Variants in SHTN1 observed in about 807,000 individuals in gnomAD.
SHTN1 encodes the protein shootin 1.
In SHTN1, 42 loss-of-function variants were observed where a neutral mutation model predicts 83.1. The ratio of observed to expected loss-of-function variants is 0.51; its 90% CI spans 0.39 to 0.65. The LOEUF (loss-of-function observed/expected upper bound fraction) is 0.65, where lower values mean the gene tolerates loss of function less well. SHTN1 is among the 30% of genes least tolerant of loss of function. The pLI is 0.00. For missense variants in SHTN1, 622 were observed against 737.8 expected (o/e 0.84, Z 1.82); for synonymous variants, 224 against 247.7 (o/e 0.90, Z 0.90).
chr10:116,911,129 A>C (rs1408925927), intron 14 of SHTN1, among the ~76,000 whole-genome samples: 2 of 152,166 alleles, frequency 1.3e-5, no homozygotes, highest in African/African-American at 4.8e-5. Context: ...TATCTGAAAC[A>C]TTTTCTAAGT....
chr10:116,904,387 TG>T (rs1157196764), intron 15 of SHTN1, among the ~76,000 whole-genome samples: 3 of 152,074 alleles, frequency 2.0e-5, no homozygotes, highest in Non-Finnish European at 4.4e-5. Context: ...ACCTAAAAAA[TG>T]GTATGATTTC....
chr10:117,120,703 T>C lies in SHTN1; in HGVS notation c.-189+5604A>G, dbSNP rs11197900. Among the ~76,000 whole-genome samples the C allele has an allele frequency of 2.4e-3, 371 of 152,266 alleles. 2 individuals are homozygous for C. The highest frequency in any genetic ancestry group is 8.5e-3 in the African/African-American group (352 of 41,550). On this transcript the variant is annotated intron_variant, in intron 1 of 17. Transcript: ENST00000392901. The stretch of plus-strand genomic sequence containing the variant: ...AGAAGAAACAGAACCTAGTGTTAGA[T>C]AGATGAGCAGGGTGACTATAATTTA...
chr10:116,908,019 G>A (rs1041651853), intron 14 of SHTN1: 1 of 455,778 alleles, frequency 2.2e-6, no homozygotes, highest in Non-Finnish European at 4.4e-6. Context: ...AAAAAAAGGT[G>A]CTTGTAAAAT....
chr10:116,945,909 A>G lies in SHTN1; in HGVS notation c.617-891T>C, dbSNP rs912267539. On this transcript the variant is annotated intron_variant, in intron 7 of 16. Coordinates refer to ENST00000355371, the MANE Select transcript of SHTN1 (RefSeq NM_001127211.3). ...AGTATATAGCAGTGAAAACAAACAT[A>G]CCACAGCTATGCCTGTCCACATGCA... 2.0e-5 allele frequency among the ~76,000 whole-genome samples: 3 copies of G among 152,164 alleles called. No homozygotes were observed. The East Asian group carries it at 5.8e-4, about 29-fold the overall frequency.
rs570107975 is a variant in SHTN1, at chr10:117,111,273, G to A, written c.-189+15034C>T. 2.0e-5 allele frequency among the ~76,000 whole-genome samples: 3 copies of A among 152,200 alleles called. No individual in the cohort carries two copies. The East Asian group carries it at 5.8e-4, about 29-fold the overall frequency. On this transcript the variant is annotated intron_variant, in intron 1 of 17. Transcript: ENST00000392901. ...TTCTGATTCAACAGGTTTGAGATGA[G>A]GCCCAAGAATGTGCATTTCTTTCTT...
chr10:117,075,113 T>C (rs954315638), intron 1 of SHTN1, among the ~76,000 whole-genome samples: 1 of 152,262 alleles, frequency 6.6e-6, no homozygotes, highest in African/African-American at 2.4e-5. Flanking sequence ...TTTCCATTTA[T>C]CTTTCCCCTG....
At chr10:116,923,198 G>C (rs1848625550) in intron 11 of SHTN1, among the ~76,000 whole-genome samples, 1 of 152,124 alleles carries the variant, frequency 6.6e-6, no homozygotes, top group African/African-American at 2.4e-5. Flanking sequence ...TCAAAGGAAA[G>C]AATTAGGGTA....
chr10:116,958,847 A>G (rs1459538832), intron 4 of SHTN1, among the ~76,000 whole-genome samples: 1 of 152,242 alleles, frequency 6.6e-6, no homozygotes, highest in Non-Finnish European at 1.5e-5. Flanking sequence ...CATATGCCCA[A>G]AATTACATAA....
At chr10:116,901,662 G>C in intron 16 of SHTN1, 103 bp downstream of exon 16, 1 of 1,354,736 alleles carries the variant, frequency 7.4e-7, no homozygotes, top group Non-Finnish European at 9.5e-7. Context: ...ATTTACCGGC[G>C]AGCCAATCAA....
intron 1 of SHTN1, among the ~76,000 whole-genome samples, chr10:117,087,643 A>C (rs937142777): frequency 2.0e-5 from 3 of 152,250 alleles, no homozygotes; most frequent in Non-Finnish European, 4.4e-5. Flanking sequence ...CGTGACATAC[A>C]GGAAAGGATT....
chr10:116,977,662 CTGTG>C lies in SHTN1; in HGVS notation c.111+1590_111+1593del, dbSNP rs750351561. On this transcript the variant is annotated intron_variant, in intron 2 of 16. Transcript: ENST00000355371. ...TACTATTTTCAGTGACTTTCTTACT[CTGTG>C]TGTGTGTGTGTGTGTGTGTGTGTTT... Among the ~76,000 whole-genome samples the C allele has an allele frequency of 1.1e-4, 17 of 147,868 alleles. No homozygotes were observed. The East Asian group carries it at 2.8e-3, about 24-fold the overall frequency.
chr10:116,960,365 T>G, intron 3 of SHTN1, 135 bp from the exon 4 acceptor site: 1 of 551,260 alleles, frequency 1.8e-6, no homozygotes, highest in Middle Eastern at 2.7e-4. Flanking sequence ...TGAAAAAAGG[T>G]TTTTGAGAAG....
chr10:117,026,404 T>C (rs559000319), intron 2 of SHTN1, among the ~76,000 whole-genome samples: 4 of 146,828 alleles, frequency 2.7e-5, no homozygotes, highest in Admixed American at 7.0e-5. Flanking sequence ...CACAGTACAA[T>C]AGAAATCCAG....
intron 14 of SHTN1, 67 bp downstream of exon 14, chr10:116,911,723 A>G: frequency 1.3e-6 from 2 of 1,581,540 alleles, no homozygotes; most frequent in Non-Finnish European, 1.7e-6. Flanking sequence ...TTCACAAAAA[A>G]CAGATTTTAA....
At chr10:117,022,813 T>G (rs750703247) in intron 2 of SHTN1, among the ~76,000 whole-genome samples, 1 of 152,042 alleles carries the variant, frequency 6.6e-6, no homozygotes, top group African/African-American at 2.4e-5. Context: ...CCCCGCTACT[T>G]GGGAGGCTGA....
At chr10:116,984,210 C>A (rs566473061) in intron 1 of SHTN1, among the ~76,000 whole-genome samples, 1 of 152,316 alleles carries the variant, frequency 6.6e-6, no homozygotes, top group South Asian at 2.1e-4. Context: ...CCAATACTTA[C>A]CAGACCTGTG....
intron 1 of SHTN1, among the ~76,000 whole-genome samples, chr10:116,983,237 G>A (rs1469696318): frequency 6.6e-6 from 1 of 152,100 alleles, no homozygotes; most frequent in Non-Finnish European, 1.5e-5. Flanking sequence ...TCATAGTGTT[G>A]TTATTAAGAG....
At chr10:116,991,183 CTCAAAAAAGAAAAAA>C (rs1438769932) in intron 1 of SHTN1, among the ~76,000 whole-genome samples, 1 of 149,246 alleles carries the variant, frequency 6.7e-6, no homozygotes, top group African/African-American at 2.4e-5. Flanking sequence ...AAGACTCCGT[CTCAAAAAAGAAAAAA>C]AAAGAAGGGC....
intron 16 of SHTN1, among the ~76,000 whole-genome samples, chr10:116,889,983 T>C (rs867981419): frequency 2.6e-5 from 4 of 152,086 alleles, no homozygotes; most frequent in Admixed American, 6.5e-5. Context: ...CCTTCATTCC[T>C]ATCGTATGGG....
Sources: allele counts gnomAD v4.1 joint callset (sites outside exome capture counted in the v4.1 genomes callset), GRCh38; gene constraint gnomAD v4.1.1; transcripts MANE v1.5; gene names NCBI Gene and HGNC (gene_info 2026-07-23, HGNC 2026-07-21).